Variants in CDK8 observed in about 807,000 individuals in gnomAD.
The protein encoded by CDK8 is cyclin-dependent kinase 8.
Under a neutral mutation model 71.5 loss-of-function variants are expected in CDK8, and 29 were observed. That is an observed-to-expected ratio of 0.41 (90% CI 0.30 to 0.55). CDK8 has a LOEUF of 0.55. Among genes scored for constraint, CDK8 ranks in the 20% least tolerant of loss-of-function variants. CDK8 has a pLI of 0.37. For missense variants in CDK8, 288 were observed against 572.6 expected (o/e 0.50, Z 5.07); for synonymous variants, 161 against 192.1 (o/e 0.84, Z 1.34).
At chr13:26,294,574 C>G (rs1274918460) in intron 1 of CDK8, among the ~76,000 whole-genome samples, 1 of 152,170 alleles carries the variant, frequency 6.6e-6, no homozygotes, top group African/African-American at 2.4e-5. Flanking sequence ...TCCTCACGAA[C>G]ACTTGTCTTT....
At chr13:26,348,716 G>T (rs1227073742) in intron 2 of CDK8, among the ~76,000 whole-genome samples, 2 of 152,162 alleles carry the variant, frequency 1.3e-5, no homozygotes, top group African/African-American at 4.8e-5. Context: ...ATGGATAGTG[G>T]TGGTGATCGC....
chr13:26,361,308 C>A (rs74042631), intron 4 of CDK8, among the ~76,000 whole-genome samples: 5,374 of 152,210 alleles, frequency 0.035, 306 homozygotes, highest in African/African-American at 0.12. Flanking sequence ...ATTTAACTGA[C>A]CAGTCTATTA....
intron 1 of CDK8, among the ~76,000 whole-genome samples, chr13:26,335,312 T>C (rs1022764131): frequency 2.0e-5 from 3 of 152,224 alleles, no homozygotes; most frequent in African/African-American, 7.2e-5. Context: ...ATTCAGTAGA[T>C]ACTTTACAAT....
chr13:26,306,619 G>C (rs1222861064), intron 1 of CDK8, among the ~76,000 whole-genome samples: 1 of 140,044 alleles, frequency 7.1e-6, no homozygotes, highest in Admixed American at 6.9e-5. Flanking sequence ...GCCCCTTATT[G>C]CTCTTTTTTT....
At chr13:26,338,969 CTGTT>C (rs1176712389) in intron 2 of CDK8, among the ~76,000 whole-genome samples, 1 of 108,662 alleles carries the variant, frequency 9.2e-6, no homozygotes, top group African/African-American at 4.0e-5. Flanking sequence ...CTTTAACAAA[CTGTT>C]TTTTATTAGA....
At chr13:26,313,947 G>C (rs1184836839) in intron 1 of CDK8, among the ~76,000 whole-genome samples, 1 of 152,178 alleles carries the variant, frequency 6.6e-6, no homozygotes, top group Non-Finnish European at 1.5e-5. Flanking sequence ...GTGAACCACA[G>C]AGTTTGGCAA....
intron 2 of CDK8, among the ~76,000 whole-genome samples, chr13:26,340,135 T>C (rs1873179700): frequency 1.3e-5 from 2 of 152,150 alleles, no homozygotes; most frequent in South Asian, 2.1e-4. Context: ...TATCAAATGC[T>C]TTTTTCTGCA....
At chr13:26,314,082 C>G (rs1427408765) in intron 1 of CDK8, among the ~76,000 whole-genome samples, 2 of 152,172 alleles carry the variant, frequency 1.3e-5, no homozygotes, top group African/African-American at 4.8e-5. Context: ...CTTTGCTAAT[C>G]CAGAGTTTTA....
intron 1 of CDK8, among the ~76,000 whole-genome samples, chr13:26,334,974 C>T (rs1368724072): frequency 6.6e-6 from 1 of 152,144 alleles, no homozygotes; most frequent in Non-Finnish European, 1.5e-5. Context: ...AGACGTTTCT[C>T]CTTCAAGCCA....
chr13:26,393,332 TTTTC>T (rs753784914), intron 6 of CDK8, 31 bp from the exon 7 acceptor site: 61 of 1,388,678 alleles, frequency 4.4e-5, no homozygotes, highest in Non-Finnish European at 5.3e-5. Context: ...CCTTGCCTAT[TTTTC>T]TTTCTTTTTT....
intron 1 of CDK8, among the ~76,000 whole-genome samples, chr13:26,315,448 A>T (rs1874464826): frequency 6.6e-6 from 1 of 152,142 alleles, no homozygotes; most frequent in Non-Finnish European, 1.5e-5. Context: ...TGTGTTGTGT[A>T]TGTGTGTATA....
chr13:26,380,203 T>C (rs1338439886), intron 4 of CDK8, among the ~76,000 whole-genome samples: 1 of 152,074 alleles, frequency 6.6e-6, no homozygotes, highest in Non-Finnish European at 1.5e-5. Flanking sequence ...TTTTATAGAC[T>C]GAGTCTCACT....
At chr13:26,269,549 T>G (rs74405833) in intron 1 of CDK8, among the ~76,000 whole-genome samples, 1 of 121,758 alleles carries the variant, frequency 8.2e-6, no homozygotes, top group Admixed American at 8.1e-5. Flanking sequence ...CTTTAGATTG[T>G]TTTTTTTTTT....
At chr13:26,399,406 C>T (rs1444345601) in intron 9 of CDK8, among the ~76,000 whole-genome samples, 1 of 152,154 alleles carries the variant, frequency 6.6e-6, no homozygotes, top group Non-Finnish European at 1.5e-5. Flanking sequence ...GTTGGAAATG[C>T]AGGCTTTTGG....
At chr13:26,336,885 A>G (rs779406501) in intron 1 of CDK8, among the ~76,000 whole-genome samples, 4 of 152,116 alleles carry the variant, frequency 2.6e-5, no homozygotes, top group Non-Finnish European at 5.9e-5. Flanking sequence ...TCCTCCACCA[A>G]GTCCCCTTTG....
At chr13:26,383,174 CTT>C (rs1386958198) in intron 5 of CDK8, among the ~76,000 whole-genome samples, 1 of 152,180 alleles carries the variant, frequency 6.6e-6, no homozygotes, top group African/African-American at 2.4e-5. Flanking sequence ...CCAGCCTCAC[CTT>C]TAGTCACAAG....
At chr13:26,319,468 TA>T (rs541642068) in intron 1 of CDK8, among the ~76,000 whole-genome samples, 5,339 of 137,168 alleles carry the variant, frequency 0.039, 225 homozygotes, top group African/African-American at 0.11. Context: ...AAACTCCACT[TA>T]AAAAAAAAAA....
intron 6 of CDK8, 27 bp from the exon 7 acceptor site, chr13:26,393,340 C>CTTTT: frequency 2.7e-6 from 3 of 1,114,678 alleles, no homozygotes; most frequent in South Asian, 3.6e-5. Flanking sequence ...ATTTTTCTTT[C>CTTTT]TTTTTTTTTT....
chr13:26,277,589 G>A (rs1189984400), intron 1 of CDK8, among the ~76,000 whole-genome samples: 1 of 152,166 alleles, frequency 6.6e-6, no homozygotes, highest in African/African-American at 2.4e-5. Context: ...AACTAAAAGG[G>A]TTTGGGTGTT....
Sources: allele counts gnomAD v4.1 joint callset (sites outside exome capture counted in the v4.1 genomes callset), GRCh38; gene constraint gnomAD v4.1.1; transcripts MANE v1.5; gene names NCBI Gene and HGNC (gene_info 2026-07-23, HGNC 2026-07-21).